Variants in IRAG1 observed in about 807,000 individuals in gnomAD.
IRAG1 encodes the protein IP3R-associated cGMP kinase substrate.
Under a neutral mutation model 106.2 loss-of-function variants are expected in IRAG1, and 62 were observed. The observed-to-expected ratio is 0.58, with a 90% confidence interval of 0.48 to 0.72. The LOEUF (loss-of-function observed/expected upper bound fraction) is 0.72. Among genes scored for constraint, IRAG1 ranks in the 30% least tolerant of loss-of-function variants. IRAG1 has a pLI of 0.00. For missense variants in IRAG1, 1,064 were observed against 1,140.7 expected (o/e 0.93, Z 0.97); for synonymous variants, 462 against 443.9 (o/e 1.04, Z -0.51).
chr11:10,661,002 A>G (rs550461302), intron 1 of IRAG1, among the ~76,000 whole-genome samples: 6 of 152,326 alleles, frequency 3.9e-5, no homozygotes, highest in African/African-American at 4.8e-5. Context: ...ATGACCCTCC[A>G]TAATGATACC....
chr11:10,604,623 C>T (rs1003959540), intron 12 of IRAG1, 78 bp from the exon 13 acceptor site: 33 of 1,564,010 alleles, frequency 2.1e-5, no homozygotes, highest in Middle Eastern at 1.9e-4. Context: ...GCTCCTTGCA[C>T]GAGCGTTTTG....
chr11:10,599,128 T>C (rs965716524), intron 15 of IRAG1, among the ~76,000 whole-genome samples: 8 of 152,226 alleles, frequency 5.3e-5, no homozygotes, highest in Non-Finnish European at 1.2e-4. Context: ...TTTCTCATCC[T>C]CCTAGAGTGA....
intron 10 of IRAG1, among the ~76,000 whole-genome samples, chr11:10,613,261 CAAAAAAAA>C (rs34065353): frequency 7.5e-6 from 1 of 132,968 alleles, no homozygotes; most frequent in African/African-American, 2.8e-5. Flanking sequence ...ATGCTTCATA[CAAAAAAAA>C]AAAAAAAAAC....
At chr11:10,625,827 G>T in intron 9 of IRAG1, 139 bp downstream of exon 9, 1 of 825,622 alleles carries the variant, frequency 1.2e-6, no homozygotes, top group Non-Finnish European at 1.7e-6. Context: ...ACTTCTCAGA[G>T]TGGGAAAATT....
chr11:10,586,505 C>A (rs950842348), intron 18 of IRAG1, among the ~76,000 whole-genome samples: 1 of 151,842 alleles, frequency 6.6e-6, no homozygotes, highest in Admixed American at 6.6e-5. Context: ...GCAACCTCCA[C>A]CTCCCAGGTT....
At chr11:10,627,486 G>T (rs540524943) in intron 8 of IRAG1, among the ~76,000 whole-genome samples, 3 of 152,132 alleles carry the variant, frequency 2.0e-5, no homozygotes, top group Non-Finnish European at 4.4e-5. Context: ...TCAGCGCTGT[G>T]AGTATTGCCT....
At chr11:10,633,106 G>A (rs1449897612) in intron 3 of IRAG1, among the ~76,000 whole-genome samples, 3 of 130,050 alleles carry the variant, frequency 2.3e-5, no homozygotes, top group South Asian at 2.3e-4. Context: ...ACGGAGTCTC[G>A]CACTGTCGCC....
chr11:10,660,597 C>G (rs1054933980), intron 1 of IRAG1, among the ~76,000 whole-genome samples: 1 of 152,178 alleles, frequency 6.6e-6, no homozygotes, highest in Non-Finnish European at 1.5e-5. Context: ...CTTGCTCCTA[C>G]CAGGGTGCAG....
intron 15 of IRAG1, chr11:10,599,755 C>T (rs1380664866): frequency 6.6e-6 from 1 of 152,220 alleles, no homozygotes; most frequent in East Asian, 1.9e-4. Flanking sequence ...GAGTTCAAAC[C>T]CTGACAGTGC....
rs570274460 is a variant in IRAG1, at chr11:10,647,264, C to G, written c.225+4761G>C. ...GCCTGGGCCCAGATCCTGGGCCTGC[C>G]ACTTATGAGCTGTATGACCTTGGAG... On this transcript the variant is annotated intron_variant, in intron 2 of 20. Coordinates refer to ENST00000423302, the MANE Select transcript of IRAG1 (RefSeq NM_130385.4). This position sits in a 1 kb window ranked among gnomAD's most constrained non-coding sequence, Gnocchi z 4.3. Among the ~76,000 whole-genome samples, 18 of 152,288 alleles carry G rather than the reference C, an allele frequency of 1.2e-4. No individual in the cohort carries two copies. Among genetic ancestry groups the G allele is most frequent in the African/African-American group, 4.1e-4 (17 of 41,554 alleles).
At chr11:10,583,556 G>A (rs1006132757) in intron 18 of IRAG1, among the ~76,000 whole-genome samples, 9 of 152,168 alleles carry the variant, frequency 5.9e-5, no homozygotes, top group African/African-American at 1.9e-4. Context: ...GTAAAGAAGG[G>A]GAGGTTGGAA....
rs1451671558 is a variant in IRAG1, at chr11:10,575,111, C to G, written c.*1221G>C. ...ATGACAACAAAACCCACATGGAAAT[C>G]AAACCTCTACAAAACTGATGAAGGC... On this transcript the variant is annotated 3_prime_UTR_variant, in exon 21 of 21. Transcript: ENST00000423302. 2 of 152,166 alleles carry G rather than the reference C, an allele frequency of 1.3e-5. No individual in the cohort carries two copies. The highest frequency in any genetic ancestry group is 4.8e-5 in the African/African-American group (2 of 41,436). The allele number at this position is 152,166 out of a possible 1,614,324, so 9.4% of individuals were successfully genotyped here. A position where few individuals can be genotyped will look rare whatever the true frequency, so the allele number is the denominator to read the frequency against.
rs754974049 is a variant in IRAG1, at chr11:10,581,909, T to C, written c.2318A>G (p.Gln773Arg). 6.2e-7 allele frequency: 1 copy of C among 1,613,936 alleles called. No individual in the cohort carries two copies. Residue 773 changes from glutamine to arginine, a missense_variant, in exon 19 of 21, where the codon CAG (glutamine) becomes CGG (arginine). Physicochemically the swap from Gln to Arg is conservative, Grantham distance 43 (BLOSUM62 1). Coordinates refer to ENST00000423302, the MANE Select transcript of IRAG1 (RefSeq NM_130385.4). Reference sequence around the variant, plus strand: ...TTCCTCCATCCTGGCCTTGGTCTCCTGACTAAGCTCCTCCAGGCAGCTCAG... The same window carrying C: ...TTCCTCCATCCTGGCCTTGGTCTCCCGACTAAGCTCCTCCAGGCAGCTCAG... ...LTLSCLEELSQETKARMEEEA... is the reference protein window; with the variant it reads ...LTLSCLEELSRETKARMEEEA...
chr11:10,630,587 C>CCTATCAGAGTGG (rs997018932), intron 4 of IRAG1, among the ~76,000 whole-genome samples: 1 of 152,228 alleles, frequency 6.6e-6, no homozygotes, highest in African/African-American at 2.4e-5. Context: ...TCCCCCACTG[C>CCTATCAGAGTGG]CTATCAGAGT....
At position 10,623,816 on chromosome 11, in the gene IRAG1, T is replaced by C. The variant is rs1273314855; in HGVS notation, c.1409A>G (p.Lys470Arg). 6.2e-7 allele frequency: 1 copy of C among 1,614,070 alleles called. No individual in the cohort carries two copies. Among genetic ancestry groups the C allele is most frequent in the Non-Finnish European group, 8.5e-7 (1 of 1,179,908 alleles). Residue 470 changes from lysine to arginine, a missense_variant, in exon 10 of 21, where the codon AAG becomes AGG. Lys to Arg is a conservative substitution (Grantham distance 26, BLOSUM62 2). Coordinates refer to ENST00000423302, the MANE Select transcript of IRAG1 (RefSeq NM_130385.4). The part of the protein sequence containing the change: ...LMRNQNLVGL[K>R]LPDLSEAAEQ... ...AGCTGCTTCACTAAGGTCTGGAAGCTTGAGCCCCACTAAGTTCTGATTTCT... is the reference window on the plus strand; with the variant it reads ...AGCTGCTTCACTAAGGTCTGGAAGCCTGAGCCCCACTAAGTTCTGATTTCT...
Position 10,687,693 on chromosome 11 carries a change from G to A in IRAG1, c.67+5843C>T, listed in dbSNP as rs78360477. 4,512 of 1,288,050 alleles carry A rather than the reference G, an allele frequency of 3.5e-3. 123 individuals are homozygous for A. The African/African-American group carries it at 0.062, about 18-fold the overall frequency. The allele number at this position is 1,288,050 out of a possible 1,614,324, so 79.8% of individuals were successfully genotyped here. ...AGAGGAAGTCCACCACTCTCCTTGC[G>A]GTGTTTTTGGAGTTGAGAATAGGAC... On this transcript the variant is annotated intron_variant, in intron 1 of 20. Coordinates refer to ENST00000423302, the MANE Select transcript of IRAG1 (RefSeq NM_130385.4).
At chr11:10,684,481 G>A (rs1489087194) in intron 1 of IRAG1, among the ~76,000 whole-genome samples, 1 of 151,860 alleles carries the variant, frequency 6.6e-6, no homozygotes, top group Non-Finnish European at 1.5e-5. Flanking sequence ...CGGGGAGGGA[G>A]AGCATTAGGA....
intron 1 of IRAG1, among the ~76,000 whole-genome samples, chr11:10,691,983 G>A (rs1340719000): frequency 6.6e-6 from 1 of 152,144 alleles, no homozygotes; most frequent in Non-Finnish European, 1.5e-5. Flanking sequence ...GTATGGGAAG[G>A]GGAACAGTGT....
chr11:10,590,883 T>C (rs77807979), intron 18 of IRAG1, among the ~76,000 whole-genome samples: 2,765 of 152,310 alleles, frequency 0.018, 95 homozygotes, highest in African/African-American at 0.063. Flanking sequence ...TTTTGCTTTA[T>C]GGGAAGCTGA....
Sources: gnomAD v4.1 joint callset for allele counts (sites outside exome capture counted in the v4.1 genomes callset) on GRCh38, gnomAD v4.1.1 for gene constraint, Gnocchi (gnomAD v3.1) non-coding constraint, MANE v1.5 for transcripts, NCBI Gene and HGNC (gene_info 2026-07-23, HGNC 2026-07-21) for gene names.